Variants in WDPCP observed in about 807,000 individuals in gnomAD.
The protein encoded by WDPCP is WD repeat containing planar cell polarity effector, also known as WD repeat-containing and planar cell polarity effector protein fritz homolog.
In WDPCP, 71 loss-of-function variants were observed where a neutral mutation model predicts 93.1. The observed-to-expected ratio is 0.76, with a 90% CI of 0.63 to 0.93. The LOEUF (loss-of-function observed/expected upper bound fraction) is 0.93, where lower values mean the gene tolerates loss of function less well. Ranked by LOEUF, WDPCP falls within the 40% of genes least tolerant of loss-of-function variation. The pLI is 0.00. For missense variants in WDPCP, 844 were observed against 887.4 expected, an observed-to-expected ratio of 0.95 and a Z score of 0.62; for synonymous variants, 315 against 315.0, an observed-to-expected ratio of 1.00 and a Z score of 0.00.
At chr2:63,458,307 T>C (rs141060095) in intron 6 of WDPCP, among the ~76,000 whole-genome samples, 1,523 of 151,474 alleles carry the variant, frequency 0.01, 15 homozygotes, top group Non-Finnish European at 0.016. Context: ...TGACATGATT[T>C]TATATCTAGA....
chr2:63,402,291 G>T (rs938400671), intron 10 of WDPCP, among the ~76,000 whole-genome samples: 1 of 152,048 alleles, frequency 6.6e-6, no homozygotes, highest in Admixed American at 6.6e-5. Flanking sequence ...ACAGGGAGGG[G>T]AACAACACAC....
At chr2:63,401,374 A>G (rs1236280227) in intron 10 of WDPCP, among the ~76,000 whole-genome samples, 2 of 152,238 alleles carry the variant, frequency 1.3e-5, no homozygotes, top group African/African-American at 2.4e-5. Context: ...ACATTTATGC[A>G]GCCAACAAAC....
At chr2:63,595,586 T>C in intron 3 of WDPCP, 1 of 975,104 alleles carries the variant, frequency 1.0e-6, no homozygotes, top group Non-Finnish European at 1.6e-6. Flanking sequence ...GTTTTAGGTT[T>C]TTGTTAAAGG....
At chr2:63,263,211 A>C (rs1681796778) in intron 13 of WDPCP, among the ~76,000 whole-genome samples, 2 of 152,176 alleles carry the variant, frequency 1.3e-5, no homozygotes, top group Non-Finnish European at 2.9e-5. Context: ...ATAATTTTTG[A>C]TAGATTTAGC....
At chr2:63,418,087 TTC>T (rs1252367878) in intron 9 of WDPCP, among the ~76,000 whole-genome samples, 7 of 152,146 alleles carry the variant, frequency 4.6e-5, no homozygotes, top group Non-Finnish European at 1.0e-4. Flanking sequence ...CTATAAGACT[TTC>T]TGTTAGCAGA....
chr2:63,239,138 T>A (rs1423274161), intron 14 of WDPCP, among the ~76,000 whole-genome samples: 1 of 152,210 alleles, frequency 6.6e-6, no homozygotes, highest in Admixed American at 6.6e-5. Context: ...GGAGCTGAAA[T>A]AGATCAGCTT....
intron 1 of WDPCP, among the ~76,000 whole-genome samples, chr2:63,520,028 T>A (rs529242305): frequency 3.0e-4 from 46 of 152,256 alleles, no homozygotes; most frequent in African/African-American, 1.1e-3. Flanking sequence ...ATGGCCATTG[T>A]AAGAAAGACC....
rs529902996 is a variant in WDPCP, at chr2:63,185,585, G to A, written c.1916-10753C>T. Among the ~76,000 whole-genome samples the A allele has an allele frequency of 4.6e-5, 7 of 152,222 alleles. No individual in the cohort carries two copies. In the South Asian group the frequency reaches 8.3e-4, roughly 18 times the overall value. ...CGGTATACCAGGCAGGTGAGCAGGC[G>A]CATGACCTCCTGTGAAGCCAGGGTT... On this transcript the variant is annotated intron_variant, in intron 14 of 17. Transcript: ENST00000272321.
chr2:63,127,366 G>T (rs1669985660), intron 17 of WDPCP, among the ~76,000 whole-genome samples: 1 of 151,602 alleles, frequency 6.6e-6, no homozygotes, highest in East Asian at 1.9e-4. Flanking sequence ...CTCGTGATCT[G>T]CCCGCCTCGG....
At chr2:63,681,962 T>A (rs1483465601) in intron 2 of WDPCP, among the ~76,000 whole-genome samples, 6 of 151,540 alleles carry the variant, frequency 4.0e-5, no homozygotes, top group African/African-American at 1.5e-4. Flanking sequence ...CAAGTCTGCA[T>A]GAACCACAGT....
intron 3 of WDPCP, chr2:63,622,235 G>A (rs1054475092): frequency 1.2e-6 from 2 of 1,610,028 alleles, no homozygotes. Flanking sequence ...CGAGGTCCTT[G>A]GCCTTCTCTG....
At chr2:63,753,311 C>T (rs191857803) in intron 2 of WDPCP, among the ~76,000 whole-genome samples, 2 of 152,204 alleles carry the variant, frequency 1.3e-5, no homozygotes, top group Admixed American at 1.3e-4. Context: ...TGCCTGTAAT[C>T]CCAGTTACTC....
intron 2 of WDPCP, among the ~76,000 whole-genome samples, chr2:63,772,358 C>A (rs1670241641): frequency 1.3e-5 from 2 of 151,946 alleles, no homozygotes; most frequent in African/African-American, 4.8e-5. Flanking sequence ...GTCCTTTGCT[C>A]ACTCTTTAAT....
intron 14 of WDPCP, among the ~76,000 whole-genome samples, chr2:63,206,709 T>C (rs1419472113): frequency 6.6e-6 from 1 of 152,108 alleles, no homozygotes; most frequent in African/African-American, 2.4e-5. Context: ...ACTTATTGTA[T>C]TTTTATTCTA....
At position 63,499,293 on chromosome 2, in the gene WDPCP, G is replaced by A. The variant is rs192716947; in HGVS notation, c.76-6353C>T. 2.6e-5 allele frequency among the ~76,000 whole-genome samples: 4 copies of A among 152,242 alleles called. No individual in the cohort carries two copies. In the East Asian group the frequency reaches 7.7e-4, roughly 29 times the overall value. On this transcript the variant is annotated intron_variant, in intron 1 of 17. Coordinates refer to ENST00000272321, the MANE Select transcript of WDPCP (RefSeq NM_015910.7). ...AAAGAATAAATTAGAAAGATGCAAG[G>A]CTTATTTGAGGAATAATAAGCAATC...
intron 14 of WDPCP, among the ~76,000 whole-genome samples, chr2:63,226,735 T>G (rs1678324541): frequency 6.6e-6 from 1 of 151,892 alleles, no homozygotes. Context: ...AGGGTAGAGT[T>G]TTACTAGAAA....
At chr2:63,683,923 C>A (rs770150571) in intron 2 of WDPCP, among the ~76,000 whole-genome samples, 1 of 151,360 alleles carries the variant, frequency 6.6e-6, no homozygotes, top group African/African-American at 2.4e-5. Flanking sequence ...GAGGATATAA[C>A]CATTGTAAAT....
chr2:63,364,336 TTC>T (rs1690725682), intron 12 of WDPCP, among the ~76,000 whole-genome samples: 1 of 152,230 alleles, frequency 6.6e-6, no homozygotes, highest in East Asian at 1.9e-4. Flanking sequence ...CACTTCTAGA[TTC>T]TTTTTTCTTT....
chr2:63,703,351 G>C (rs554273615), intron 2 of WDPCP, among the ~76,000 whole-genome samples: 6 of 152,278 alleles, frequency 3.9e-5, no homozygotes, highest in Non-Finnish European at 5.9e-5. Context: ...GTGTAAAAGT[G>C]TTCCTATTTC....
Sources: gnomAD v4.1 joint callset for allele counts (sites outside exome capture counted in the v4.1 genomes callset) on GRCh38, gnomAD v4.1.1 for gene constraint, MANE v1.5 for transcripts, NCBI Gene and HGNC (gene_info 2026-07-23, HGNC 2026-07-21) for gene names.